The following SEPTIN3 variants were observed in gnomAD, a reference collection of about 807,000 sequenced individuals.
SEPTIN3 encodes septin 3.
A neutral mutation model predicts 45.1 loss-of-function variants in SEPTIN3; 15 were observed. The observed-to-expected ratio is 0.33, with a 90% CI of 0.22 to 0.51. SEPTIN3 has a LOEUF of 0.51. Ranked by LOEUF, SEPTIN3 falls within the 20% of genes least tolerant of loss-of-function variation. The pLI is 0.97. For synonymous variants in SEPTIN3, 148 were observed against 164.8 expected, an observed-to-expected ratio of 0.90 and a Z score of 0.78; for missense variants, 289 against 457.2, an observed-to-expected ratio of 0.63 and a Z score of 3.35.
Position 41,987,676 on chromosome 22 carries a change from G to A in SEPTIN3, c.1962G>A (p.Glu654=). 6.2e-7 allele frequency: 1 copy of A among 1,614,098 alleles called. No individual in the cohort carries two copies. ...AGCAGTACGAGAAGTTCCTGAAGGAGGAGGTCAACATCGCCAGGAAGAAAC... is the reference window on the plus strand; with the variant it reads ...AGCAGTACGAGAAGTTCCTGAAGGAAGAGGTCAACATCGCCAGGAAGAAAC... ...INEQYEKFLK[E]EVNIARKKRI... The change falls in exon 6 of 12, where the codon GAG becomes GAA. Residue 654 remains glutamate, a synonymous_variant. Coordinates refer to ENST00000644076, the MANE Select transcript of SEPTIN3 (RefSeq NM_001363845.2).
intron 4 of SEPTIN3, 21 bp from the exon 5 acceptor site, chr22:41,987,185 A>C: frequency 1.2e-6 from 2 of 1,605,974 alleles, no homozygotes; most frequent in Non-Finnish European, 1.7e-6. Flanking sequence ...CCTCTCTGGT[A>C]CATTTTCTTT....
At position 41,981,789 on chromosome 22, in the gene SEPTIN3, G is replaced by A. The variant is rs532987490; in HGVS notation, c.1649G>A (p.Arg550His). 5.6e-6 allele frequency: 9 copies of A among 1,613,950 alleles called. No homozygotes were observed. The highest frequency in any genetic ancestry group is 1.1e-5 in the South Asian group (1 of 91,022). Residue 550 changes from arginine to histidine, a missense_variant, in exon 3 of 12, where the codon CGC (arginine) becomes CAC (histidine). Around this residue, in one of 3 missense-constraint regions of SEPTIN3, gnomAD observed 200 missense variants for 315.1 expected, o/e 0.63. Coordinates refer to ENST00000644076, the MANE Select transcript of SEPTIN3 (RefSeq NM_001363845.2). ...ATCGACACCATCATCGAGCAGATGCGCAAGAAGACCATGAAGACCGGTTTC... is the reference window on the plus strand; with the variant it reads ...ATCGACACCATCATCGAGCAGATGCACAAGAAGACCATGAAGACCGGTTTC... ...IGIDTIIEQM[R>H]KKTMKTGFDF...
At chr22:41,973,534 G>C (rs573568013) in intron 2 of SEPTIN3, among the ~76,000 whole-genome samples, 6 of 151,250 alleles carry the variant, frequency 4.0e-5, no homozygotes, top group Non-Finnish European at 8.8e-5. Flanking sequence ...TTAGCCGGAC[G>C]TGGTGGCGGG....
intron 2 of SEPTIN3, among the ~76,000 whole-genome samples, chr22:41,974,178 CA>C (rs1275182586): frequency 1.3e-5 from 2 of 150,084 alleles, no homozygotes; most frequent in South Asian, 2.1e-4. Context: ...GAAAGGTTAA[CA>C]GGGGTAACTT....
chr22:41,979,965 G>A (rs181541503), intron 2 of SEPTIN3, among the ~76,000 whole-genome samples: 184 of 152,236 alleles, frequency 1.2e-3, no homozygotes, highest in African/African-American at 4.1e-3. Flanking sequence ...AGAGCTGGAA[G>A]GTGTCCTCAA....
chr22:41,971,403 G>A (rs2077957428), intron 1 of SEPTIN3, 71 bp from the exon 2 acceptor site: 1 of 398,286 alleles, frequency 2.5e-6, no homozygotes, highest in Non-Finnish European at 4.4e-6. Flanking sequence ...GGTCAGGAAG[G>A]GGAGAGCTGA....
rs2078377043 is a variant in SEPTIN3, at chr22:41,994,116, A to G, written c.2360-174A>G. On this transcript the variant is annotated intron_variant, in intron 9 of 11. Coordinates refer to ENST00000644076, the MANE Select transcript of SEPTIN3 (RefSeq NM_001363845.2). This position sits in a 1 kb window ranked among gnomAD's most constrained non-coding sequence, Gnocchi z 4.2. ...ATTGTAGCTGCTTAATATTTGTTCAATGAATCAAATCCAGTACACCCAAGT... is the reference window on the plus strand; with the variant it reads ...ATTGTAGCTGCTTAATATTTGTTCAGTGAATCAAATCCAGTACACCCAAGT... 1.3e-5 allele frequency among the ~76,000 whole-genome samples: 2 copies of G among 152,206 alleles called. No individual in the cohort carries two copies. Among genetic ancestry groups the G allele is most frequent in the African/African-American group, 2.4e-5 (1 of 41,454 alleles).
intron 2 of SEPTIN3, among the ~76,000 whole-genome samples, chr22:41,979,978 G>A (rs1195267524): frequency 6.6e-6 from 1 of 152,154 alleles, no homozygotes; most frequent in East Asian, 1.9e-4. Flanking sequence ...GTCCTCAAGA[G>A]CACATGGAGT....
rs927471709 is a variant in SEPTIN3 at position 41,976,888 on chromosome 22, G to A, written c.1504+3892G>A. The A allele has an allele frequency of 3.0e-5, 6 of 198,272 alleles. No individual in the cohort carries two copies. The highest frequency in any genetic ancestry group is 1.4e-4 in the African/African-American group (6 of 41,698). 12.3% of individuals were successfully genotyped at this position (198,272 alleles called of 1,614,324 possible). A position where few individuals can be genotyped will look rare whatever the true frequency, so the allele number is the denominator to read the frequency against. On this transcript the variant is annotated intron_variant, in intron 2 of 11. Coordinates refer to ENST00000644076, the MANE Select transcript of SEPTIN3 (RefSeq NM_001363845.2). This position sits in a 1 kb window ranked among gnomAD's most constrained non-coding sequence, Gnocchi z 5.8. ...GGCGAGGTCCCGGGGAGGGCGCGGC[G>A]GCGCGGGGCGCAGGGGCGGCGCGGC...
At chr22:41,973,654 CAG>C (rs1281237318) in intron 2 of SEPTIN3, among the ~76,000 whole-genome samples, 1 of 145,532 alleles carries the variant, frequency 6.9e-6, no homozygotes, top group East Asian at 2.1e-4. Flanking sequence ...GCCTGGGCGA[CAG>C]AGCGAGACTC....
intron 2 of SEPTIN3, among the ~76,000 whole-genome samples, chr22:41,979,754 C>G (rs1429269070): frequency 1.3e-5 from 2 of 152,148 alleles, no homozygotes; most frequent in Admixed American, 1.3e-4. Flanking sequence ...AACAGTTTCC[C>G]ATTGGGAGAG....
Position 41,991,558 on chromosome 22 carries a change from TCTC to T in SEPTIN3, c.2164-11_2164-9del, listed in dbSNP as rs1406318472. ...CCTGACACTTGACTACCTTGTTTCT[TCTC>T]CTCGCCTCTAGGTTCGCAAGGAGCT... On this transcript the variant is annotated splice_polypyrimidine_tract_variant and intron_variant, in intron 7 of 11. Transcript: ENST00000644076. 4.4e-6 allele frequency: 7 copies of T among 1,586,056 alleles called. No individual in the cohort carries two copies. The highest frequency in any genetic ancestry group is 4.0e-5 in the African/African-American group (3 of 74,268).
chr22:41,987,515 C>T (rs1039413997), intron 5 of SEPTIN3, 107 bp from the exon 6 acceptor site: 4 of 1,394,024 alleles, frequency 2.9e-6, no homozygotes, highest in African/African-American at 1.4e-5. Flanking sequence ...CTAGGCCCAC[C>T]AACCAGGGAA....
rs1230664282 is a variant in SEPTIN3 at position 41,987,107 on chromosome 22, C to T, written c.1826-99C>T. ...AATTTGACTTTTCCAATAACTGATC[C>T]TGAAGACAAGGCCTGGGTCTCCCTG... On this transcript the variant is annotated intron_variant, in intron 4 of 11. Transcript: ENST00000644076. 4.7e-6 allele frequency: 4 copies of T among 851,642 alleles called. No individual in the cohort carries two copies. In the African/African-American group the frequency reaches 5.1e-5, roughly 11 times the overall value. 52.8% of individuals were successfully genotyped at this position (851,642 alleles called of 1,614,324 possible).
Position 41,971,623 on chromosome 22 carries a change from C to T in SEPTIN3, c.131C>T (p.Ser44Phe), listed in dbSNP as rs543600398. ...CCCTCGAGACTCCCTGGAGGAGGGT[C>T]CCCCCTCACCCCCGTCCTCAGGAAG... Reference protein sequence around the residue: ...IRPSRLPGGGSPLTPVLRKTI... With the variant: ...IRPSRLPGGGFPLTPVLRKTI... The change falls in exon 2 of 12, where the codon TCC (serine) becomes TTC (phenylalanine). Residue 44 changes from serine (S) to phenylalanine (F), a missense_variant. Around this residue, in one of 3 missense-constraint regions of SEPTIN3, gnomAD observed 200 missense variants for 315.1 expected, o/e 0.63. Coordinates refer to ENST00000644076, the MANE Select transcript of SEPTIN3 (RefSeq NM_001363845.2). 25 of 398,994 alleles carry T rather than the reference C, an allele frequency of 6.3e-5. No individual in the cohort carries two copies. The South Asian group carries it at 3.2e-3, about 51-fold the overall frequency. 24.7% of individuals were successfully genotyped at this position (398,994 alleles called of 1,614,324 possible).
intron 5 of SEPTIN3, 95 bp downstream of exon 5, chr22:41,987,382 C>T (rs768544115): frequency 1.2e-5 from 15 of 1,229,610 alleles, no homozygotes; most frequent in Non-Finnish European, 1.6e-5. Flanking sequence ...CCATCTGCAC[C>T]CTCCATGCTC....
chr22:41,987,520 A>G, intron 5 of SEPTIN3, 102 bp from the exon 6 acceptor site: 1 of 1,411,362 alleles, frequency 7.1e-7, no homozygotes, highest in Non-Finnish European at 9.8e-7. Context: ...CCCACCAACC[A>G]GGGAATGACA....
rs2078335404 is a variant in SEPTIN3, at chr22:41,992,558, G to A, written c.2260-106G>A. On this transcript the variant is annotated intron_variant, in intron 8 of 11. Transcript: ENST00000644076. ...GTATCTCTGAATGAGCATCAGAAGT[G>A]TGTGGTTCAAGGCTAGAGGACCATA... 7 of 665,156 alleles carry A rather than the reference G, an allele frequency of 1.1e-5. No homozygotes were observed. The South Asian group carries it at 1.4e-4, about 13-fold the overall frequency. 41.2% of individuals were successfully genotyped at this position (665,156 alleles called of 1,614,324 possible). A position where few individuals can be genotyped will look rare whatever the true frequency, so the allele number is the denominator to read the frequency against.
intron 7 of SEPTIN3, 77 bp downstream of exon 7, chr22:41,989,761 C>A: frequency 1.1e-6 from 1 of 941,558 alleles, no homozygotes; most frequent in Non-Finnish European, 1.7e-6. Flanking sequence ...ATCTCCTAGC[C>A]CTCATCATTC....
Sources: gnomAD v4.1 joint callset for allele counts (sites outside exome capture counted in the v4.1 genomes callset) on GRCh38, gnomAD v4.1.1 for gene constraint, gnomAD v4.1.1 regional missense constraint, Gnocchi (gnomAD v3.1) non-coding constraint, MANE v1.5 for transcripts, NCBI Gene and HGNC (gene_info 2026-07-23, HGNC 2026-07-21) for gene names.